Variants in WDR41 observed in about 807,000 individuals in gnomAD.
WDR41 encodes WD repeat domain 41, also known as WD repeat-containing protein 41.
Under a neutral mutation model 69.3 loss-of-function variants are expected in WDR41, and 63 were observed. The observed-to-expected ratio is 0.91, with a 90% CI of 0.74 to 1.12. The LOEUF (loss-of-function observed/expected upper bound fraction) is 1.12, where lower values mean the gene tolerates loss of function less well. Ranked by LOEUF, WDR41 falls within the 50% of genes most tolerant of loss-of-function variation. The pLI is 0.00. For synonymous variants in WDR41, 185 were observed against 192.1 expected (o/e 0.96, Z 0.31); for missense variants, 543 against 534.5 (o/e 1.02, Z -0.16).
intron 5 of WDR41, among the ~76,000 whole-genome samples, chr5:77,454,349 G>C (rs1335153544): frequency 6.6e-6 from 1 of 152,200 alleles, no homozygotes; most frequent in African/African-American, 2.4e-5. Flanking sequence ...AGGAGCCTCA[G>C]GAGAGGCCCT....
At chr5:77,604,577 G>A (rs954904768) in intron 1 of WDR41, among the ~76,000 whole-genome samples, 1 of 152,126 alleles carries the variant, frequency 6.6e-6, no homozygotes, top group African/African-American at 2.4e-5. Flanking sequence ...CCCTTGTGGA[G>A]GATGTTTTGA....
chr5:77,492,766 C>T (rs977682630), upstream of WDR41, among the ~76,000 whole-genome samples: 7 of 151,352 alleles, frequency 4.6e-5, 1 homozygote, highest in Admixed American at 4.6e-4. Context: ...CTCATGTGTA[C>T]AGCCGAATAA....
At chr5:77,483,698 C>T (rs1019726185) in intron 2 of WDR41, among the ~76,000 whole-genome samples, 2 of 152,132 alleles carry the variant, frequency 1.3e-5, no homozygotes, top group African/African-American at 4.8e-5. Flanking sequence ...TTCTTCCTAG[C>T]TTGAATTCTT....
At chr5:77,546,311 A>G (rs1294801111) in intron 1 of WDR41, 3 of 275,564 alleles carry the variant, frequency 1.1e-5, no homozygotes, top group Non-Finnish European at 2.0e-5. Context: ...TTGAAAAAAA[A>G]AAGATAAATC....
intron 1 of WDR41, among the ~76,000 whole-genome samples, chr5:77,592,005 T>C (rs1050682517): frequency 1.3e-5 from 2 of 152,162 alleles, no homozygotes; most frequent in Non-Finnish European, 2.9e-5. Flanking sequence ...ATTATCTATT[T>C]ATATTTTTAT....
At chr5:77,494,918 A>G (rs541606997), upstream of WDR41, among the ~76,000 whole-genome samples, 1 of 152,308 alleles carries the variant, frequency 6.6e-6, no homozygotes, top group African/African-American at 2.4e-5. Flanking sequence ...ATAAGTCTCA[A>G]TCAATTTTAA....
chr5:77,472,719 G>T (rs1202664560), intron 2 of WDR41, among the ~76,000 whole-genome samples: 5 of 151,604 alleles, frequency 3.3e-5, no homozygotes, highest in Non-Finnish European at 2.9e-5. Flanking sequence ...ACAAGGGATG[G>T]GAAGGACCTC....
At chr5:77,505,087 C>T (rs1419035149) in intron 1 of WDR41, among the ~76,000 whole-genome samples, 4 of 152,134 alleles carry the variant, frequency 2.6e-5, no homozygotes, top group Non-Finnish European at 4.4e-5. Flanking sequence ...GTCAAATTGT[C>T]CCTGTTTGCA....
intron 12 of WDR41, 87 bp from the exon 13 acceptor site, chr5:77,433,374 T>C (rs1798803161): frequency 5.5e-6 from 7 of 1,270,866 alleles, no homozygotes; most frequent in South Asian, 1.7e-5. Context: ...GTGTGAGATA[T>C]GTGCCTTAAA....
rs1800910649 is a variant in WDR41, at chr5:77,476,081, G to A, written c.168-11272C>T. Among the ~76,000 whole-genome samples, 9 of 151,908 alleles carry A rather than the reference G, an allele frequency of 5.9e-5. No individual in the cohort carries two copies. In the South Asian group the frequency reaches 1.7e-3, roughly 28 times the overall value. ...GGAAGAAAGGGTATCAGCGATGGAA[G>A]ATGAAATGAATGAAATGAAGCGAGA... On this transcript the variant is annotated intron_variant, in intron 2 of 12. Coordinates refer to ENST00000296679, the MANE Select transcript of WDR41 (RefSeq NM_018268.4).
At chr5:77,483,465 G>A (rs1247452289) in intron 2 of WDR41, among the ~76,000 whole-genome samples, 2 of 146,346 alleles carry the variant, frequency 1.4e-5, no homozygotes, top group African/African-American at 5.1e-5. Context: ...CCACCCCTAC[G>A]AGTTACCTGA....
At chr5:77,561,419 A>G (rs992196322) in intron 1 of WDR41, among the ~76,000 whole-genome samples, 23 of 152,194 alleles carry the variant, frequency 1.5e-4, no homozygotes, top group Middle Eastern at 3.2e-3. Flanking sequence ...CATGAAGTAG[A>G]GAGTTCATTA....
At chr5:77,506,361 G>A (rs4429831) in intron 1 of WDR41, among the ~76,000 whole-genome samples, 11,264 of 152,156 alleles carry the variant, frequency 0.074, 850 homozygotes, top group East Asian at 0.26. Context: ...CCATTAGAAT[G>A]GTGGTCATTA....
intron 2 of WDR41, among the ~76,000 whole-genome samples, chr5:77,475,387 G>C (rs1401066685): frequency 6.6e-6 from 1 of 152,218 alleles, no homozygotes; most frequent in East Asian, 1.9e-4. Context: ...CAAACAAAAA[G>C]ACAGCAGTAA....
chr5:77,526,281 T>C (rs555003097), intron 1 of WDR41, among the ~76,000 whole-genome samples: 14 of 152,206 alleles, frequency 9.2e-5, no homozygotes, highest in African/African-American at 3.4e-4. Context: ...CAACCTTAAA[T>C]ACTTCTGTGT....
chr5:77,473,748 C>T (rs1006435118), intron 2 of WDR41, among the ~76,000 whole-genome samples: 13 of 152,162 alleles, frequency 8.5e-5, no homozygotes, highest in Non-Finnish European at 1.8e-4. Context: ...CAATGATATA[C>T]CATCTCACAC....
At chr5:77,584,738 C>T (rs1580028494) in intron 1 of WDR41, among the ~76,000 whole-genome samples, 1 of 152,084 alleles carries the variant, frequency 6.6e-6, no homozygotes, top group Admixed American at 6.6e-5. Context: ...ACATCCTACT[C>T]AGCAAAGGTG....
At chr5:77,465,578 G>A (rs335655) in intron 2 of WDR41, among the ~76,000 whole-genome samples, 1 of 151,902 alleles carries the variant, frequency 6.6e-6, no homozygotes, top group Non-Finnish European at 1.5e-5. Context: ...TTATACTAAC[G>A]CAACAAAGTA....
intron 1 of WDR41, among the ~76,000 whole-genome samples, chr5:77,513,908 AG>A (rs149561997): frequency 0.063 from 9,517 of 152,168 alleles, 521 homozygotes; most frequent in African/African-American, 0.15. Context: ...ATGTCCACAG[AG>A]GGCTTTTCTT....
Sources: gnomAD v4.1 joint callset for allele counts (sites outside exome capture counted in the v4.1 genomes callset) on GRCh38, gnomAD v4.1.1 for gene constraint, MANE v1.5 for transcripts, NCBI Gene and HGNC (gene_info 2026-07-23, HGNC 2026-07-21) for gene names.